The following PRKCH variants were observed in gnomAD, a reference collection of about 807,000 sequenced individuals.
The protein encoded by PRKCH is protein kinase C eta.
Under a neutral mutation model 82.5 loss-of-function variants are expected in PRKCH, and 28 were observed. The ratio of observed to expected loss-of-function variants is 0.34; its 90% confidence interval spans 0.25 to 0.47. PRKCH has a LOEUF of 0.47. Ranked by LOEUF, PRKCH falls within the 20% of genes least tolerant of loss-of-function variation. The pLI is 1.00. For synonymous variants in PRKCH, 322 were observed against 327.4 expected (o/e 0.98, Z 0.18); for missense variants, 705 against 881.8 (o/e 0.80, Z 2.54).
Position 61,482,500 on chromosome 14 carries a change from C to T in PRKCH, c.1279-3002C>T, listed in dbSNP as rs1826161387. ...ATAAACATGTCTTTGTTTTTTATAC[C>T]TGGTGACGTTATTTGAGGTCTTTGA... On this transcript the variant is annotated intron_variant, in intron 9 of 13. Transcript: ENST00000332981. 2.0e-5 allele frequency among the ~76,000 whole-genome samples: 3 copies of T among 152,026 alleles called. No homozygotes were observed. The South Asian group carries it at 6.2e-4, about 32-fold the overall frequency.
intron 11 of PRKCH, 95 bp from the exon 12 acceptor site, chr14:61,530,312 T>G: frequency 1.5e-6 from 2 of 1,317,238 alleles, no homozygotes; most frequent in Non-Finnish European, 2.0e-6. Flanking sequence ...AAAAAAACTT[T>G]GATATTTCCT....
chr14:61,511,542 T>C (rs1887375044), intron 10 of PRKCH, among the ~76,000 whole-genome samples: 1 of 152,178 alleles, frequency 6.6e-6, no homozygotes, highest in African/African-American at 2.4e-5. Context: ...CTGAACCATA[T>C]AAGAAAGAAA....
chr14:61,278,778 T>A (rs569770367), intron 1 of PRKCH: 2 of 152,306 alleles, frequency 1.3e-5, no homozygotes, highest in East Asian at 3.8e-4. Flanking sequence ...ATAAAATCAA[T>A]GGAATGATTT....
chr14:61,356,642 G>C (rs762378261), intron 1 of PRKCH, among the ~76,000 whole-genome samples: 2 of 152,068 alleles, frequency 1.3e-5, no homozygotes, highest in Non-Finnish European at 2.9e-5. Context: ...AGATCTTGGG[G>C]GGAAAAAGAG....
chr14:61,455,061 G>A (rs141105539), intron 7 of PRKCH, among the ~76,000 whole-genome samples: 9,323 of 151,224 alleles, frequency 0.062, 417 homozygotes, highest in Non-Finnish European at 0.09. Context: ...ACGGAGTCTG[G>A]CTCTGTCGCC....
intron 3 of PRKCH, 130 bp downstream of exon 3, chr14:61,443,391 CTAGTA>C: frequency 4.2e-6 from 4 of 957,390 alleles, no homozygotes; most frequent in Non-Finnish European, 5.8e-6. Context: ...GCCTCTTACT[CTAGTA>C]TGTTGACCCA....
intron 1 of PRKCH, among the ~76,000 whole-genome samples, chr14:61,291,812 T>C (rs189472240): frequency 6.6e-6 from 1 of 152,302 alleles, no homozygotes; most frequent in Admixed American, 6.5e-5. Context: ...TAAGCTTTTG[T>C]GGCTGAGGGT....
intron 1 of PRKCH, among the ~76,000 whole-genome samples, chr14:61,211,856 C>T (rs141517080): frequency 2.0e-5 from 3 of 152,158 alleles, no homozygotes; most frequent in African/African-American, 7.2e-5. Flanking sequence ...CCTTGAAACT[C>T]AGAGTGGAAA....
At chr14:61,514,473 C>CA (rs2042793122) in intron 10 of PRKCH, among the ~76,000 whole-genome samples, 1 of 152,180 alleles carries the variant, frequency 6.6e-6, no homozygotes, top group Admixed American at 6.5e-5. Context: ...ACTTGAGAGC[C>CA]ACAGAGTATG....
At chr14:61,549,088 G>A (rs1244126105) in intron 13 of PRKCH, among the ~76,000 whole-genome samples, 1 of 152,182 alleles carries the variant, frequency 6.6e-6, no homozygotes, top group Non-Finnish European at 1.5e-5. Flanking sequence ...CCCCCTGCCA[G>A]CGCCCCTGGG....
chr14:61,430,663 A>G (rs1883342345), intron 2 of PRKCH, among the ~76,000 whole-genome samples: 1 of 152,120 alleles, frequency 6.6e-6, no homozygotes, highest in Non-Finnish European at 1.5e-5. Context: ...TGGTTGTTAA[A>G]CTGTCTCACT....
rs149916207 is a variant in PRKCH at position 61,311,872 on chromosome 14, C to T, written c.-19+124204C>T. ...TGGTGGAAGAGGAAGCAAGCAAGTT[C>T]ATCCTACATGGCAGCAGGTGAGAGA... On this transcript the variant is annotated intron_variant, in intron 1 of 3. Coordinates refer to the PRKCH transcript ENST00000555185. Among the ~76,000 whole-genome samples the T allele has an allele frequency of 2.6e-3, 389 of 152,322 alleles. 2 individuals are homozygous for T. Among genetic ancestry groups the T allele is most frequent in the South Asian group, 0.019 (90 of 4,830 alleles).
rs558889285 is a variant in PRKCH, at chr14:61,258,905, T to C, written c.-19+71237T>C. The stretch of plus-strand genomic sequence containing the variant: ...AAGCTAATTTTTTAACATATTGGAA[T>C]GTTAGTCTCAGTGATTGTTAGCTCC... On this transcript the variant is annotated intron_variant, in intron 1 of 3. Transcript: ENST00000555185. 2.6e-5 allele frequency among the ~76,000 whole-genome samples: 4 copies of C among 152,352 alleles called. No homozygotes were observed. In the South Asian group the frequency reaches 6.2e-4, roughly 24 times the overall value.
intron 12 of PRKCH, among the ~76,000 whole-genome samples, chr14:61,534,804 C>A (rs1272730280): frequency 2.6e-5 from 4 of 152,120 alleles, no homozygotes; most frequent in Non-Finnish European, 5.9e-5. Context: ...GATTTTCAGT[C>A]TATAAAGGTG....
At chr14:61,408,271 G>A (rs76679147) in intron 2 of PRKCH, among the ~76,000 whole-genome samples, 1 of 152,250 alleles carries the variant, frequency 6.6e-6, no homozygotes, top group African/African-American at 2.4e-5. Flanking sequence ...AGCTTTTGGG[G>A]GCATGGTGGA....
At chr14:61,499,263 A>G (rs544960821) in intron 10 of PRKCH, among the ~76,000 whole-genome samples, 3 of 152,324 alleles carry the variant, frequency 2.0e-5, no homozygotes, top group African/African-American at 7.2e-5. Context: ...GCAAATGTCA[A>G]ATTGTACTTT....
chr14:61,370,543 C>T (rs537723112), intron 1 of PRKCH, among the ~76,000 whole-genome samples: 24 of 152,198 alleles, frequency 1.6e-4, no homozygotes, highest in African/African-American at 5.3e-4. Context: ...TGCTCCAAAT[C>T]TTTGTATCCA....
At chr14:61,539,745 T>C (rs983279993) in intron 12 of PRKCH, among the ~76,000 whole-genome samples, 4 of 151,182 alleles carry the variant, frequency 2.6e-5, no homozygotes, top group African/African-American at 4.9e-5. Flanking sequence ...AATGCAAAAA[T>C]AGAAGAAAGA....
chr14:61,316,687 G>A (rs2045564174), upstream of PRKCH, among the ~76,000 whole-genome samples: 1 of 152,148 alleles, frequency 6.6e-6, no homozygotes. Flanking sequence ...TCCTTCTTAC[G>A]GAGACCTTGT....
Sources: allele counts gnomAD v4.1 joint callset (sites outside exome capture counted in the v4.1 genomes callset), GRCh38; gene constraint gnomAD v4.1.1; transcripts MANE v1.5; gene names NCBI Gene and HGNC (gene_info 2026-07-23, HGNC 2026-07-21).